CHRNB2: variants seen among roughly 807,000 people sequenced by gnomAD.
The protein encoded by CHRNB2 is cholinergic receptor nicotinic beta 2 subunit, also known as neuronal acetylcholine receptor subunit beta-2.
CHRNB2 carries 33 observed loss-of-function variants against 42.7 expected under a neutral mutation model. The ratio of observed to expected loss-of-function variants is 0.77; its 90% CI spans 0.59 to 1.03. The LOEUF (loss-of-function observed/expected upper bound fraction) is 1.03, where lower values mean the gene tolerates loss of function less well. Ranked by LOEUF, CHRNB2 falls within the 50% of genes least tolerant of loss-of-function variation. CHRNB2 has a pLI of 0.00. For missense variants in CHRNB2, 603 were observed against 700.9 expected, an observed-to-expected ratio of 0.86 and a Z score of 1.58; for synonymous variants, 325 against 292.9, an observed-to-expected ratio of 1.11 and a Z score of -1.12.
intron 2 of CHRNB2, 54 bp downstream of exon 2, chr1:154,569,661 AT>A: frequency 1.2e-6 from 2 of 1,613,476 alleles, no homozygotes; most frequent in Non-Finnish European, 1.7e-6. Flanking sequence ...CCCCGCCAAA[AT>A]GTGTTAATGC....
chr1:154,569,339 G>A (rs2149366063), intron 1 of CHRNB2, 123 bp from the exon 2 acceptor site: 1 of 1,178,490 alleles, frequency 8.5e-7, no homozygotes, highest in South Asian at 1.3e-5. Context: ...GCATTTTGCA[G>A]TATCCTTAGG....
At chr1:154,569,692 G>T (rs1364669555) in intron 2 of CHRNB2, 85 bp downstream of exon 2, 2 of 1,612,846 alleles carry the variant, frequency 1.2e-6, no homozygotes, top group East Asian at 2.2e-5. Context: ...TCCTCCCCTG[G>T]TGTTTCCAAG....
chr1:154,573,962 CT>C (rs1267844759), intron 5 of CHRNB2, among the ~76,000 whole-genome samples: 1 of 152,060 alleles, frequency 6.6e-6, no homozygotes, highest in East Asian at 1.9e-4. Flanking sequence ...GTTGGCCAGG[CT>C]GGTCTCAAAC....
rs1171264800 is a variant in CHRNB2 at position 154,579,296 on chromosome 1, TGTC to T, written c.*3365_*3367del. 1.3e-5 allele frequency: 2 copies of T among 152,222 alleles called. No homozygotes were observed. Among genetic ancestry groups the T allele is most frequent in the African/African-American group, 4.8e-5 (2 of 41,430 alleles). The allele number at this position is 152,222 out of a possible 1,614,324, so 9.4% of individuals were successfully genotyped here. On this transcript the variant is annotated 3_prime_UTR_variant, in exon 6 of 6. Transcript: ENST00000368476. The stretch of plus-strand genomic sequence containing the variant: ...TCTGCGCCAGGTCCTCAGCATGCGT[TGTC>T]TTTATTCCGCGTGACAATCCTATGG...
Position 154,571,887 on chromosome 1 carries a change from A to G in CHRNB2, c.1064A>G (p.His355Arg). 2 of 1,594,630 alleles carry G rather than the reference A, an allele frequency of 1.3e-6. No homozygotes were observed. The highest frequency in any genetic ancestry group is 1.7e-6 in the Non-Finnish European group (2 of 1,173,804). Residue 355 changes from histidine (H) to arginine (R), a missense_variant, in exon 5 of 6, where the codon CAT (histidine) becomes CGT (arginine). His to Arg is a conservative substitution (Grantham distance 29). Around this residue, in one of 2 missense-constraint regions of CHRNB2, gnomAD observed 270 missense variants for 248.3 expected, o/e 1.09. Coordinates refer to ENST00000368476, the MANE Select transcript of CHRNB2 (RefSeq NM_000748.3). This position sits in a 1 kb window ranked among gnomAD's most constrained non-coding sequence, Gnocchi z 6.8. ...CTCTTCATGCAGCAGCCACGCCATCATTGCGCCCGTCAGCGCCTGCGCCTG... is the reference window on the plus strand; with the variant it reads ...CTCTTCATGCAGCAGCCACGCCATCGTTGCGCCCGTCAGCGCCTGCGCCTG... ...ALLFMQQPRH[H>R]CARQRLRLRR...
chr1:154,571,576 A>T lies in CHRNB2; in HGVS notation c.753A>T (p.Leu251=). Residue 251 remains leucine, a synonymous_variant, in exon 5 of 6, where the codon CTA becomes CTT. Transcript: ENST00000368476. The surrounding 1 kb of genome is among the most constrained non-coding windows in gnomAD (Gnocchi z 6.8). ...LIIPCVLITS[L]AILVFYLPSD... ...TCCCCTGTGTGCTCATCACCTCGCT[A>T]GCCATCCTTGTCTTCTACCTGCCAT... 6.2e-7 allele frequency: 1 copy of T among 1,614,148 alleles called. No homozygotes were observed. The highest frequency in any genetic ancestry group is 1.1e-5 in the South Asian group (1 of 91,082).
chr1:154,572,043 C>T lies in CHRNB2; in HGVS notation c.1220C>T (p.Pro407Leu). Residue 407 changes from proline (P) to leucine (L), a missense_variant, in exon 5 of 6, where the codon CCT becomes CTT. Coordinates refer to ENST00000368476, the MANE Select transcript of CHRNB2 (RefSeq NM_000748.3). ...QGLAGAFGAE[P>L]APVAGPGRSG... ...TTGGCCGGGGCCTTCGGGGCTGAGC[C>T]TGCACCAGTGGCGGGCCCCGGGCGC... The T allele has an allele frequency of 6.5e-7, 1 of 1,534,974 alleles. No homozygotes were observed. Among genetic ancestry groups the T allele is most frequent in the Non-Finnish European group, 8.7e-7 (1 of 1,145,672 alleles).
chr1:154,571,950 T>C lies in CHRNB2; in HGVS notation c.1127T>C (p.Leu376Pro). The C allele has an allele frequency of 1.9e-6, 3 of 1,546,816 alleles. No homozygotes were observed. The highest frequency in any genetic ancestry group is 2.6e-6 in the Non-Finnish European group (3 of 1,151,154). Residue 376 changes from leucine (L) to proline (P), a missense_variant, in exon 5 of 6, where the codon CTC becomes CCC. This residue lies in a region of CHRNB2 where 270 missense variants were observed against 248.3 expected (regional missense o/e 1.09). Coordinates refer to ENST00000368476, the MANE Select transcript of CHRNB2 (RefSeq NM_000748.3). The surrounding 1 kb of genome is among the most constrained non-coding windows in gnomAD (Gnocchi z 6.8). ...CGTGAGCGCGAGGGCGCTGGAGCCC[T>C]CTTCTTCCGCGAAGCCCCAGGGGCC... is the stretch of plus-strand genomic sequence containing the variant. ...RQREREGAGA[L>P]FFREAPGADS...
At position 154,575,758 on chromosome 1, in the gene CHRNB2, C is replaced by T; in HGVS notation, c.1339-4C>T. The T allele has an allele frequency of 6.2e-7, 1 of 1,614,190 alleles. No homozygotes were observed. Among genetic ancestry groups the T allele is most frequent in the South Asian group, 1.1e-5 (1 of 91,078 alleles). ...CCTGGGCCTCCTCCGTCTCCTCCAT[C>T]CAGGTGAGTGAGGACTGGAAGTACG... On this transcript the variant is annotated splice_polypyrimidine_tract_variant and splice_region_variant and intron_variant, in intron 5 of 5. Coordinates refer to ENST00000368476, the MANE Select transcript of CHRNB2 (RefSeq NM_000748.3).
intron 5 of CHRNB2, among the ~76,000 whole-genome samples, chr1:154,574,928 C>T (rs1696243300): frequency 6.6e-6 from 1 of 152,210 alleles, no homozygotes; most frequent in Non-Finnish European, 1.5e-5. Flanking sequence ...CAGACTCAGG[C>T]TGGAGTAGAG....
chr1:154,567,854 A>G lies in CHRNB2; in HGVS notation c.-191A>G, dbSNP rs1390200504. On this transcript the variant is annotated 5_prime_UTR_variant, in exon 1 of 6. Coordinates refer to ENST00000368476, the MANE Select transcript of CHRNB2 (RefSeq NM_000748.3). Reference sequence around the variant, plus strand: ...AAAGCCTCCGCCTGCTCATACCAGGATAGGCAAGAAGCTGGTTTCTCCTCG... The same window carrying G: ...AAAGCCTCCGCCTGCTCATACCAGGGTAGGCAAGAAGCTGGTTTCTCCTCG... 4.2e-6 allele frequency: 2 copies of G among 479,204 alleles called. No homozygotes were observed. 29.7% of individuals were successfully genotyped at this position (479,204 alleles called of 1,614,324 possible).
intron 3 of CHRNB2, 44 bp from the exon 4 acceptor site, chr1:154,570,214 A>G (rs993762301): frequency 2.4e-5 from 32 of 1,355,850 alleles, no homozygotes; most frequent in African/African-American, 7.2e-5. Context: ...CTTGAGCCCC[A>G]CCCAGGGCAC....
chr1:154,570,478 T>C (rs973455427), intron 4 of CHRNB2, 111 bp downstream of exon 4: 10 of 719,016 alleles, frequency 1.4e-5, no homozygotes, highest in Non-Finnish European at 2.5e-5. Flanking sequence ...GGACTTATAA[T>C]AGATATGTAG....
At chr1:154,575,019 G>C (rs934386921) in intron 5 of CHRNB2, among the ~76,000 whole-genome samples, 3 of 152,124 alleles carry the variant, frequency 2.0e-5, no homozygotes, top group South Asian at 2.1e-4. Flanking sequence ...CTTTTTGACC[G>C]ATTTGTTCAC....
chr1:154,574,997 A>G (rs1200374457), intron 5 of CHRNB2, among the ~76,000 whole-genome samples: 1 of 152,204 alleles, frequency 6.6e-6, no homozygotes, highest in Non-Finnish European at 1.5e-5. Flanking sequence ...TCAAACCCAC[A>G]GACAGCATTA....
Position 154,571,388 on chromosome 1 carries a change from A to G in CHRNB2, c.565A>G (p.Ser189Gly). 6.2e-7 allele frequency: 1 copy of G among 1,614,170 alleles called. No homozygotes were observed. The highest frequency in any genetic ancestry group is 1.1e-5 in the South Asian group (1 of 91,080). ...CACAGAGATCGACTTGGTGCTGAAG[A>G]GTGAGGTGGCCAGCCTGGACGACTT... ...DRTEIDLVLK[S>G]EVASLDDFTP... Residue 189 changes from serine to glycine, a missense_variant, in exon 5 of 6, where the codon AGT becomes GGT. Coordinates refer to ENST00000368476, the MANE Select transcript of CHRNB2 (RefSeq NM_000748.3). The surrounding 1 kb of genome is among the most constrained non-coding windows in gnomAD (Gnocchi z 6.8).
intron 1 of CHRNB2, among the ~76,000 whole-genome samples, chr1:154,569,098 C>T (rs1425846583): frequency 6.6e-6 from 1 of 151,902 alleles, no homozygotes; most frequent in African/African-American, 2.4e-5. Context: ...CTTCACTGCC[C>T]TGCTAAACCT....
At chr1:154,569,884 C>G in intron 3 of CHRNB2, 48 bp downstream of exon 3, 1 of 1,604,956 alleles carries the variant, frequency 6.2e-7, no homozygotes. Flanking sequence ...CTTCTCTCTC[C>G]TCCTTTTTCC....
intron 5 of CHRNB2, 41 bp downstream of exon 5, chr1:154,572,202 G>A: frequency 2.0e-6 from 3 of 1,534,364 alleles, no homozygotes; most frequent in Non-Finnish European, 1.7e-6. Flanking sequence ...GAGATATGGG[G>A]TCTGCCAGGG....
Sources: allele counts gnomAD v4.1 joint callset (sites outside exome capture counted in the v4.1 genomes callset), GRCh38; gene constraint gnomAD v4.1.1; regional missense constraint gnomAD v4.1.1; non-coding constraint Gnocchi (gnomAD v3.1); transcripts MANE v1.5; gene names NCBI Gene and HGNC (gene_info 2026-07-23, HGNC 2026-07-21).